The following CIC variants were observed in gnomAD, a reference collection of about 807,000 sequenced individuals.
The protein encoded by CIC is protein capicua homolog.
CIC carries 18 observed loss-of-function variants against 115.7 expected under a neutral mutation model. The ratio of observed to expected loss-of-function variants is 0.16; its 90% confidence interval spans 0.11 to 0.23. CIC has a LOEUF of 0.23. Among genes scored for constraint, CIC ranks in the 10% least tolerant of loss-of-function variants. The pLI is 1.00. For synonymous variants in CIC, 1,076 were observed against 923.0 expected, an observed-to-expected ratio of 1.17 and a Z score of -3.01; for missense variants, 2,000 against 2,159.3, an observed-to-expected ratio of 0.93 and a Z score of 1.46.
intron 12 of CIC, 22 bp from the exon 13 acceptor site, chr19:42,292,064 C>T: frequency 2.5e-6 from 4 of 1,613,170 alleles, no homozygotes; most frequent in Non-Finnish European, 3.4e-6. Flanking sequence ...TCACCCTGGC[C>T]TATGGGTGCC....
chr19:42,291,258 C>A lies in CIC; in HGVS notation c.5217C>A (p.Pro1739=). Residue 1739 remains proline (P), a synonymous_variant, in exon 11 of 21, where the codon CCC becomes CCA. Coordinates refer to ENST00000681038, the MANE Select transcript of CIC (RefSeq NM_001386298.1). ...GGITQVQYIL[P]TLPQQLQVAP... The stretch of plus-strand genomic sequence containing the variant: ...TCACCCAGGTACAGTACATCCTGCC[C>A]ACGCTGCCCCAGCAGCTTCAGGTGG... 1 of 1,612,464 alleles carries A rather than the reference C, an allele frequency of 6.2e-7. No homozygotes were observed. The highest frequency in any genetic ancestry group is 8.5e-7 in the Non-Finnish European group (1 of 1,179,748).
In CIC at chr19:42,290,667, G is replaced by T. The variant is rs770919814; in HGVS notation, c.4626G>T (p.Leu1542=). ...GAAACATCCTGCAGACACTGGTGCTGCCCCCAAACAAGGAGGAGCAAGAGG... is the reference window on the plus strand; with the variant it reads ...GAAACATCCTGCAGACACTGGTGCTTCCCCCAAACAAGGAGGAGCAAGAGG... The part of the protein sequence containing the change: ...GGGNILQTLV[L]PPNKEEQEGG... Residue 1542 remains leucine (L), a synonymous_variant, in exon 11 of 21, where the codon CTG becomes CTT. Coordinates refer to ENST00000681038, the MANE Select transcript of CIC (RefSeq NM_001386298.1). 1.9e-6 allele frequency: 3 copies of T among 1,613,340 alleles called. No individual in the cohort carries two copies.
Position 42,291,638 on chromosome 19 carries a change from G to GCCGC in CIC, c.5509_5512dup (p.Pro1838ArgfsTer3). On this transcript the variant is annotated frameshift_variant, in exon 12 of 21. Coordinates refer to ENST00000681038, the MANE Select transcript of CIC (RefSeq NM_001386298.1). LOFTEE classifies it high-confidence loss of function. ...GCCTGGGAAGGTCCTAGTGCCTCTG[G>GCCGC]CCGCCCCTAGCATGTCAGTGCGGGG... 1 of 1,612,822 alleles carries GCCGC rather than the reference G, an allele frequency of 6.2e-7. No homozygotes were observed. The highest frequency in any genetic ancestry group is 8.5e-7 in the Non-Finnish European group (1 of 1,179,994).
chr19:42,291,867 C>CGT (rs2038143312), intron 12 of CIC, 122 bp downstream of exon 12: 1 of 1,364,654 alleles, frequency 7.3e-7, no homozygotes, highest in East Asian at 2.3e-5. Context: ...TGCCATCTTC[C>CGT]GTGATGTCTC....
At position 42,273,460 on chromosome 19, in the gene CIC, C is replaced by T. The variant is rs1009455604; in HGVS notation, c.1677C>T (p.Asp559=). Residue 559 remains aspartate (D), a synonymous_variant, in exon 2 of 21, where the codon GAC becomes GAT. Coordinates refer to ENST00000681038, the MANE Select transcript of CIC (RefSeq NM_001386298.1). The stretch of plus-strand genomic sequence containing the variant: ...CCCGTGAGGGCAGCACGGAGTTTGA[C>T]TGGGGTGATGAGACGTCGAGGGACA... ...VAAREGSTEF[D]WGDETSRDSE... is the part of the protein sequence containing the mutation. 2.8e-5 allele frequency: 11 copies of T among 398,414 alleles called. No individual in the cohort carries two copies. The highest frequency in any genetic ancestry group is 4.9e-5 in the Non-Finnish European group (11 of 225,992). 24.7% of individuals were successfully genotyped at this position (398,414 alleles called of 1,614,324 possible).
At position 42,291,452 on chromosome 19, in the gene CIC, C is replaced by T. The variant is rs745667878; in HGVS notation, c.5411C>T (p.Ala1804Val). ...GIPILQSVPS[A>V]PPPKAQSVSP... is the part of the protein sequence containing the mutation. The stretch of plus-strand genomic sequence containing the variant: ...CCCATCCTGCAGTCTGTACCCTCCG[C>T]CCCACCCCCCAAAGGTGAGACCTGG... Residue 1804 changes from alanine to valine, a missense_variant, in exon 11 of 21, where the codon GCC becomes GTC. This residue lies in a region of CIC where 1,466 missense variants were observed against 1,390.4 expected (regional missense o/e 1.05). Coordinates refer to ENST00000681038, the MANE Select transcript of CIC (RefSeq NM_001386298.1). The T allele has an allele frequency of 3.1e-6, 5 of 1,613,074 alleles. No homozygotes were observed. Among genetic ancestry groups the T allele is most frequent in the Non-Finnish European group, 4.2e-6 (5 of 1,179,992 alleles).
chr19:42,292,360 C>G lies in CIC; in HGVS notation c.5796C>G (p.Ser1932=). 1.2e-6 allele frequency: 2 copies of G among 1,612,984 alleles called. No homozygotes were observed. The highest frequency in any genetic ancestry group is 1.7e-6 in the Non-Finnish European group (2 of 1,179,886). ...TGCCCCTGGGTACCAGCCCTGCGTC[C>G]AGCCAGGCTGGAACAGTCACCTCGT... The part of the protein sequence containing the change: ...HALPLGTSPA[S]SQAGTVTSYG... Residue 1932 remains serine, a synonymous_variant, in exon 14 of 21, where the codon TCC becomes TCG. Coordinates refer to ENST00000681038, the MANE Select transcript of CIC (RefSeq NM_001386298.1).
Position 42,291,205 on chromosome 19 carries a change from C to G in CIC, c.5164C>G (p.Pro1722Ala). The stretch of plus-strand genomic sequence containing the variant: ...GCCAGTACCCCTGGGCATCCTGCAA[C>G]CAGGTGCCCTGGGCAAGGCTGGGGG... Reference protein sequence around the residue: ...NGPVPLGILQPGALGKAGGIT... With the variant: ...NGPVPLGILQAGALGKAGGIT... Residue 1722 changes from proline to alanine, a missense_variant, in exon 11 of 21, where the codon CCA becomes GCA. This residue lies in a region of CIC where 1,466 missense variants were observed against 1,390.4 expected (regional missense o/e 1.05). Coordinates refer to ENST00000681038, the MANE Select transcript of CIC (RefSeq NM_001386298.1). The G allele has an allele frequency of 6.2e-7, 1 of 1,610,612 alleles. No individual in the cohort carries two copies. The highest frequency in any genetic ancestry group is 8.5e-7 in the Non-Finnish European group (1 of 1,178,564).
At position 42,270,968 on chromosome 19, in the gene CIC, G is replaced by C. The variant is rs2036762764; in HGVS notation, c.-10-806G>C. 6.6e-6 allele frequency among the ~76,000 whole-genome samples: 1 copy of C among 152,062 alleles called. No homozygotes were observed. Among genetic ancestry groups the C allele is most frequent in the South Asian group, 2.1e-4 (1 of 4,834 alleles). On this transcript the variant is annotated intron_variant, in intron 1 of 20. Transcript: ENST00000681038. The surrounding 1 kb of genome is among the most constrained non-coding windows in gnomAD (Gnocchi z 4.1). ...AGGATCTGGGGAGATGGCTGTACCT[G>C]GCAGCCCTAGGGTGCAGAGCAGAGT... is the stretch of plus-strand genomic sequence containing the variant.
Position 42,290,762 on chromosome 19 carries a change from C to T in CIC, c.4721C>T (p.Ser1574Phe). The change falls in exon 11 of 21, where the codon TCC becomes TTC. Residue 1574 changes from serine to phenylalanine, a missense_variant. Transcript: ENST00000681038. ...LAYGAPAAPL[S>F]RPAATMVTNV... ...TATGGGGCCCCAGCAGCTCCCCTGT[C>T]CCGTCCTGCCGCCACCATGGTCACC... The T allele has an allele frequency of 1.9e-6, 3 of 1,612,094 alleles. No homozygotes were observed. Among genetic ancestry groups the T allele is most frequent in the Non-Finnish European group, 2.5e-6 (3 of 1,179,586 alleles).
chr19:42,287,564 G>C lies in CIC; in HGVS notation c.3329G>C (p.Arg1110Pro), dbSNP rs2147195616. 1 of 1,613,498 alleles carries C rather than the reference G, an allele frequency of 6.2e-7. No homozygotes were observed. The highest frequency in any genetic ancestry group is 8.5e-7 in the Non-Finnish European group (1 of 1,180,046). ...SPNKREKDHI[R>P]RPMNAFMIFS... is the part of the protein sequence containing the mutation. Reference sequence around the variant, plus strand: ...ATGCAGCGGGAGAAGGACCACATCCGGCGGCCCATGAATGCCTTCATGATC... The same window carrying C: ...ATGCAGCGGGAGAAGGACCACATCCCGCGGCCCATGAATGCCTTCATGATC... The change falls in exon 6 of 21, where the codon CGG becomes CCG. Residue 1110 changes from arginine (R) to proline (P), a missense_variant. Physicochemically the swap from Arg to Pro is moderately radical, Grantham distance 103 (BLOSUM62 -2). Transcript: ENST00000681038. This position sits in a 1 kb window ranked among gnomAD's most constrained non-coding sequence, Gnocchi z 8.7.
Position 42,287,130 on chromosome 19 carries a change from G to T in CIC, c.3069G>T (p.Leu1023Phe), listed in dbSNP as rs760419866. ...CAGGACCCGGACCCCCACACCCTTT[G>T]GGGGTGGTGGAATCTGGTAAGGGTC... ...ESPGPGPPHP[L>F]GVVESGKGPP... The change falls in exon 4 of 21, where the codon TTG becomes TTT. Residue 1023 changes from leucine (L) to phenylalanine (F), a missense_variant. Around this residue, in one of 8 missense-constraint regions of CIC, gnomAD observed 222 missense variants for 247.7 expected, o/e 0.90. Coordinates refer to ENST00000681038, the MANE Select transcript of CIC (RefSeq NM_001386298.1). This position sits in a 1 kb window ranked among gnomAD's most constrained non-coding sequence, Gnocchi z 8.7. 2 of 1,613,610 alleles carry T rather than the reference G, an allele frequency of 1.2e-6. No homozygotes were observed. Among genetic ancestry groups the T allele is most frequent in the Non-Finnish European group, 1.7e-6 (2 of 1,179,936 alleles).
intron 2 of CIC, among the ~76,000 whole-genome samples, chr19:42,281,780 CG>C (rs1295657798): frequency 1.3e-5 from 2 of 152,218 alleles, no homozygotes; most frequent in East Asian, 1.9e-4. Flanking sequence ...CTGCCCCGGA[CG>C]GGGCCTCTTC....
intron 2 of CIC, among the ~76,000 whole-genome samples, chr19:42,277,980 A>G (rs2037053562): frequency 6.6e-6 from 1 of 152,232 alleles, no homozygotes; most frequent in African/African-American, 2.4e-5. Flanking sequence ...TCAGTGGTAT[A>G]GTGAGGTTGC....
chr19:42,293,248 G>A lies in CIC; in HGVS notation c.6489G>A (p.Glu2163=). ...RSSPPLPPPA[E]ERTSAKGPET... is the part of the protein sequence containing the mutation. ...GCCCCCCACTGCCCCCACCTGCTGA[G>A]GAGCGGACCAGCGCCAAGGGCCCTG... The change falls in exon 16 of 21, where the codon GAG becomes GAA. Residue 2163 remains glutamate (E), a synonymous_variant. Coordinates refer to ENST00000681038, the MANE Select transcript of CIC (RefSeq NM_001386298.1). 1.9e-6 allele frequency: 3 copies of A among 1,590,588 alleles called. No individual in the cohort carries two copies. The highest frequency in any genetic ancestry group is 2.6e-6 in the Non-Finnish European group (3 of 1,170,264).
chr19:42,284,914 G>C (rs1381685145), intron 2 of CIC: 4 of 766,800 alleles, frequency 5.2e-6, no homozygotes, highest in Non-Finnish European at 8.7e-6. Flanking sequence ...GAGCTCGGCC[G>C]GGCCGAGTGG....
At chr19:42,293,431 C>T (rs1285335170) in intron 16 of CIC, 150 bp downstream of exon 16, 25 of 1,372,704 alleles carry the variant, frequency 1.8e-5, no homozygotes, top group South Asian at 3.7e-5. Flanking sequence ...CCTGTGTTGT[C>T]TCCTCTCCCA....
rs117887597 is a variant in CIC at position 42,294,816 on chromosome 19, A to T, written c.7187-8A>T. ...ATCCTGTGCTCCCCACCGTTTTTCT[A>T]TCTCCAGCCCAGGCCACAGCCGCCT... On this transcript the variant is annotated splice_region_variant and splice_polypyrimidine_tract_variant and intron_variant, in intron 20 of 20. Coordinates refer to ENST00000681038, the MANE Select transcript of CIC (RefSeq NM_001386298.1). 1.9e-6 allele frequency: 3 copies of T among 1,604,000 alleles called. No homozygotes were observed. The highest frequency in any genetic ancestry group is 2.2e-5 in the South Asian group (2 of 91,074).
At position 42,273,363 on chromosome 19, in the gene CIC, T is replaced by C; in HGVS notation, c.1580T>C (p.Met527Thr). Residue 527 changes from methionine (M) to threonine (T), a missense_variant, in exon 2 of 21, where the codon ATG (methionine) becomes ACG (threonine). Met to Thr is a moderately conservative substitution (Grantham distance 81, BLOSUM62 -1). Coordinates refer to ENST00000681038, the MANE Select transcript of CIC (RefSeq NM_001386298.1). The stretch of plus-strand genomic sequence containing the variant: ...GGCTACTGCTCACGCCACCTGTCCA[T>C]GCGAACCAAAGAGATGGAAGGCCTG... ...RRGYCSRHLS[M>T]RTKEMEGLAD... 2 of 398,286 alleles carry C rather than the reference T, an allele frequency of 5.0e-6. No individual in the cohort carries two copies. The highest frequency in any genetic ancestry group is 2.1e-5 in the African/African-American group (1 of 48,674). 24.7% of individuals were successfully genotyped at this position (398,286 alleles called of 1,614,324 possible).
Sources: gnomAD v4.1 joint callset for allele counts (sites outside exome capture counted in the v4.1 genomes callset) on GRCh38, gnomAD v4.1.1 for gene constraint, gnomAD v4.1.1 regional missense constraint, Gnocchi (gnomAD v3.1) non-coding constraint, MANE v1.5 for transcripts, NCBI Gene and HGNC (gene_info 2026-07-23, HGNC 2026-07-21) for gene names.